PPP2R5C: variants seen among roughly 807,000 people sequenced by gnomAD.
The protein encoded by PPP2R5C is protein phosphatase 2 regulatory subunit B'gamma, also known as serine/threonine-protein phosphatase 2A 56 kDa regulatory subunit gamma isoform.
Under a neutral mutation model 68.9 loss-of-function variants are expected in PPP2R5C, and 7 were observed. The observed-to-expected ratio is 0.10, with a 90% CI of 0.06 to 0.19. PPP2R5C has a LOEUF of 0.19. Ranked by LOEUF, PPP2R5C falls within the 10% of genes least tolerant of loss-of-function variation. The pLI, the probability that PPP2R5C is intolerant of heterozygous loss-of-function variation, is 1.00. For missense variants in PPP2R5C, 348 were observed against 641.3 expected (o/e 0.54, Z 4.94); for synonymous variants, 210 against 222.2 (o/e 0.95, Z 0.49).
intron 13 of PPP2R5C, chr14:101,921,054 CTTTTTTTTTTTTTTTTTT>C (rs35320139): frequency 1.5e-4 from 8 of 53,450 alleles, no homozygotes; most frequent in Admixed American, 6.9e-4. Flanking sequence ...ATAAATTCTG[CTTTTTTTTTTTTTTTTTT>C]TTTTTTTTTT....
intron 13 of PPP2R5C, chr14:101,922,252 G>A: frequency 1.1e-6 from 1 of 925,540 alleles, no homozygotes; most frequent in East Asian, 1.2e-4. Context: ...ACTTTGGGAG[G>A]CCGAGGCGGG....
intron 3 of PPP2R5C, among the ~76,000 whole-genome samples, chr14:101,800,558 A>G (rs917073543): frequency 5.9e-5 from 9 of 152,006 alleles, no homozygotes; most frequent in Admixed American, 5.2e-4. Context: ...GCAAGACTCT[A>G]ACTCAAAATA....
chr14:101,774,408 G>T (rs1438514764), intron 2 of PPP2R5C, among the ~76,000 whole-genome samples: 1 of 152,186 alleles, frequency 6.6e-6, no homozygotes, highest in Non-Finnish European at 1.5e-5. Context: ...TGCAGAGAAG[G>T]TGTGTGGGGA....
At chr14:101,824,240 T>C (rs973832734) in intron 1 of PPP2R5C, 20 of 1,128,712 alleles carry the variant, frequency 1.8e-5, no homozygotes, top group Non-Finnish European at 2.3e-5. Context: ...AAATTAGATA[T>C]ATTCTTTTTA....
chr14:101,799,719 G>A (rs60031701), intron 3 of PPP2R5C, among the ~76,000 whole-genome samples: 19,130 of 152,140 alleles, frequency 0.13, 1,330 homozygotes, highest in Admixed American at 0.18. Flanking sequence ...AGGTCCAGGC[G>A]GTTCAAAATT....
At chr14:101,811,858 T>C (rs76563889) in intron 1 of PPP2R5C, among the ~76,000 whole-genome samples, 13 of 152,118 alleles carry the variant, frequency 8.5e-5, no homozygotes, top group South Asian at 2.1e-4. Context: ...TTGAACCACA[T>C]TGATTTTTTT....
chr14:101,880,126 A>C (rs985718582), intron 2 of PPP2R5C, among the ~76,000 whole-genome samples: 9 of 152,176 alleles, frequency 5.9e-5, no homozygotes, highest in Admixed American at 3.3e-4. Flanking sequence ...CACTAGCTTC[A>C]CAGAGGAGGG....
intron 1 of PPP2R5C, among the ~76,000 whole-genome samples, chr14:101,811,438 T>A (rs2039356039): frequency 6.6e-6 from 1 of 152,130 alleles, no homozygotes; most frequent in South Asian, 2.1e-4. Flanking sequence ...CCTCCCGAGC[T>A]CAGGTGATTC....
Position 101,899,271 on chromosome 14 carries a change from C to T in PPP2R5C, c.853-2448C>T, listed in dbSNP as rs1313306832. Among the ~76,000 whole-genome samples, 1 of 152,226 alleles carries T rather than the reference C, an allele frequency of 6.6e-6. No individual in the cohort carries two copies. Among genetic ancestry groups the T allele is most frequent in the Non-Finnish European group, 1.5e-5 (1 of 68,048 alleles). Reference sequence around the variant, plus strand: ...CACATTTTACTACATGGCATAGTAGCGGCTCTCCTTTCTCCTTGGTCTACC... The same window carrying T: ...CACATTTTACTACATGGCATAGTAGTGGCTCTCCTTTCTCCTTGGTCTACC... On this transcript the variant is annotated intron_variant, in intron 8 of 13. Transcript: ENST00000334743. This position sits in a 1 kb window ranked among gnomAD's most constrained non-coding sequence, Gnocchi z 4.2.
upstream of PPP2R5C, chr14:101,809,815 G>A (rs551640849): frequency 3.8e-5 from 53 of 1,405,418 alleles, no homozygotes; most frequent in East Asian, 1.2e-3. Context: ...CTTCATGCCT[G>A]CTGACATCAC....
At chr14:101,898,090 G>T (rs972641734) in intron 8 of PPP2R5C, among the ~76,000 whole-genome samples, 1 of 152,140 alleles carries the variant, frequency 6.6e-6, no homozygotes, top group South Asian at 2.1e-4. Context: ...AGCCCAGGGG[G>T]TCAAGGCTGC....
At chr14:101,841,658 G>A (rs940537100) in intron 1 of PPP2R5C, among the ~76,000 whole-genome samples, 1 of 152,196 alleles carries the variant, frequency 6.6e-6, no homozygotes, top group Non-Finnish European at 1.5e-5. Context: ...TTTTTGAAAC[G>A]AAACCTTCCA....
Position 101,797,299 on chromosome 14 carries a change from C to T in PPP2R5C, c.259+11116C>T, listed in dbSNP as rs540562511. 14 of 456,068 alleles carry T rather than the reference C, an allele frequency of 3.1e-5. No individual in the cohort carries two copies. Among genetic ancestry groups the T allele is most frequent in the South Asian group, 1.1e-4 (7 of 64,564 alleles). 28.3% of individuals were successfully genotyped at this position (456,068 alleles called of 1,614,324 possible). On this transcript the variant is annotated intron_variant, in intron 3 of 14. Transcript: ENST00000328724. This position sits in a 1 kb window ranked among gnomAD's most constrained non-coding sequence, Gnocchi z 4.2. ...GTGATGTGTGGACGGACACATTCCG[C>T]GTATCCCCCAATCAGTGGATGGACG...
intron 1 of PPP2R5C, among the ~76,000 whole-genome samples, chr14:101,837,984 T>C (rs1483783797): frequency 6.6e-6 from 1 of 152,188 alleles, no homozygotes; most frequent in East Asian, 1.9e-4. Context: ...AGAACCACCA[T>C]TGCCTCCAAA....
rs1392822608 is a variant in PPP2R5C at position 101,891,557 on chromosome 14, G to A, written c.689+1261G>A. Among the ~76,000 whole-genome samples the A allele has an allele frequency of 2.6e-5, 4 of 152,072 alleles. No individual in the cohort carries two copies. Among genetic ancestry groups the A allele is most frequent in the African/African-American group, 9.7e-5 (4 of 41,410 alleles). On this transcript the variant is annotated intron_variant, in intron 6 of 13. Coordinates refer to ENST00000334743, the Ensembl canonical transcript of PPP2R5C. The surrounding 1 kb of genome is among the most constrained non-coding windows in gnomAD (Gnocchi z 4.9). Reference sequence around the variant, plus strand: ...CCTAGGTTGTTGCAGGGACCGGAGCGCTGTATGACATGTGTTCCACAGCCC... The same window carrying A: ...CCTAGGTTGTTGCAGGGACCGGAGCACTGTATGACATGTGTTCCACAGCCC...
chr14:101,890,621 T>G (rs1267814292), intron 6 of PPP2R5C, among the ~76,000 whole-genome samples: 1 of 152,208 alleles, frequency 6.6e-6, no homozygotes, highest in Non-Finnish European at 1.5e-5. Context: ...ATTAGAAGCT[T>G]GAAAGAAGAA....
intron 2 of PPP2R5C, 42 bp from the exon 3 acceptor site, chr14:101,785,976 A>G: frequency 1.4e-6 from 2 of 1,473,938 alleles, no homozygotes; most frequent in Non-Finnish European, 1.8e-6. Flanking sequence ...ACAAAATACA[A>G]CCATTGTACA....
intron 1 of PPP2R5C, among the ~76,000 whole-genome samples, chr14:101,830,105 A>G (rs746946299): frequency 6.6e-6 from 1 of 152,196 alleles, no homozygotes; most frequent in Non-Finnish European, 1.5e-5. Context: ...AAAGAAAAGC[A>G]TCTATATTCA....
intron 1 of PPP2R5C, among the ~76,000 whole-genome samples, chr14:101,843,111 C>T (rs372821021): frequency 6.6e-6 from 1 of 152,112 alleles, no homozygotes; most frequent in Non-Finnish European, 1.5e-5. Context: ...GCCTGTGGTT[C>T]TAACTGCTTG....
Sources: gnomAD v4.1 joint callset for allele counts (sites outside exome capture counted in the v4.1 genomes callset) on GRCh38, gnomAD v4.1.1 for gene constraint, Gnocchi (gnomAD v3.1) non-coding constraint, MANE v1.5 for transcripts, NCBI Gene and HGNC (gene_info 2026-07-23, HGNC 2026-07-21) for gene names.